The following CHML variants were observed in gnomAD, a reference collection of about 807,000 sequenced individuals.
The protein encoded by CHML is CHM like Rab escort protein.
Under a neutral mutation model 30.4 loss-of-function variants are expected in CHML, and 20 were observed. That is an observed-to-expected ratio of 0.66 (90% confidence interval 0.46 to 0.95). The LOEUF is 0.95. CHML is among the 40% of genes least tolerant of loss of function. The probability of loss-of-function intolerance (pLI) is 0.00; values close to 1 mark genes in which losing one functional copy is unlikely to be tolerated. For missense variants in CHML, 795 were observed against 768.5 expected (o/e 1.03, Z -0.41); for synonymous variants, 281 against 275.0 (o/e 1.02, Z -0.22).
rs773799380 is a variant in CHML at position 241,634,752 on chromosome 1, C to T, written c.1015G>A (p.Val339Ile). 7 of 1,613,810 alleles carry T rather than the reference C, an allele frequency of 4.3e-6. No individual in the cohort carries two copies. Among genetic ancestry groups the T allele is most frequent in the African/African-American group, 4.0e-5 (3 of 74,874 alleles). The change falls in exon 2 of 2, where the codon GTA (valine) becomes ATA (isoleucine). Residue 339 changes from valine (V) to isoleucine (I), a missense_variant. By Grantham distance (29) the Val-to-Ile change is conservative. Coordinates refer to ENST00000366553, the MANE Select transcript of CHML (RefSeq NM_001381853.1). ...GATGTCATTGCAATTGAGTGCAGTA[C>T]AAAATGTTGAAGGTTGGGAGTTAGT... ...KKLTPNLQHF[V>I]LHSIAMTSES...
Position 241,635,709 on chromosome 1 carries a change from C to A in CHML, c.58G>T (p.Glu20Ter). Residue 20 changes from glutamate (E) to a stop codon, truncating the protein, a stop_gained, in exon 2 of 2, where the codon GAA becomes TAA. Transcript: ENST00000366553. LOFTEE classifies it high-confidence loss of function. ...GAACATGCAGCTGCAAGGATGGATT[C>A]GGGCAAACCTGTCCCTATTATAACC... ...DVVIIGTGLP[E>*]SILAAACSRS... The A allele has an allele frequency of 6.2e-7, 1 of 1,613,976 alleles. No homozygotes were observed. Among genetic ancestry groups the A allele is most frequent in the East Asian group, 2.2e-5 (1 of 44,880 alleles).
Position 241,635,706 on chromosome 1 carries a change from A to G in CHML, c.61T>C (p.Ser21Pro). The G allele has an allele frequency of 6.2e-7, 1 of 1,614,028 alleles. No homozygotes were observed. Among genetic ancestry groups the G allele is most frequent in the Non-Finnish European group, 8.5e-7 (1 of 1,179,904 alleles). The change falls in exon 2 of 2, where the codon TCC becomes CCC. Residue 21 changes from serine (S) to proline (P), a missense_variant. By Grantham distance (74) the Ser-to-Pro change is moderately conservative. Coordinates refer to ENST00000366553, the MANE Select transcript of CHML (RefSeq NM_001381853.1). ...CTTGAACATGCAGCTGCAAGGATGG[A>G]TTCGGGCAAACCTGTCCCTATTATA... is the stretch of plus-strand genomic sequence containing the variant. Reference protein sequence around the residue: ...VVIIGTGLPESILAAACSRSG... With the variant: ...VVIIGTGLPEPILAAACSRSG...
In CHML at chr1:241,633,481, A is replaced by T. The variant is rs1664727064; in HGVS notation, c.*315T>A. The T allele has an allele frequency of 4.0e-6, 1 of 248,650 alleles. No homozygotes were observed. The highest frequency in any genetic ancestry group is 2.3e-5 in the African/African-American group (1 of 43,688). 15.4% of individuals were successfully genotyped at this position (248,650 alleles called of 1,614,324 possible). A position where few individuals can be genotyped will look rare whatever the true frequency, so the allele number is the denominator to read the frequency against. ...GATAAAATCTGAAGATCATTAGCAA[A>T]TACATTACCTTTAAGCTGAGTTGCT... On this transcript the variant is annotated 3_prime_UTR_variant, in exon 2 of 2. Coordinates refer to ENST00000366553, the MANE Select transcript of CHML (RefSeq NM_001381853.1).
At position 241,634,582 on chromosome 1, in the gene CHML, A is replaced by C; in HGVS notation, c.1185T>G (p.Val395=). 6.2e-7 allele frequency: 1 copy of C among 1,613,828 alleles called. No homozygotes were observed. Among genetic ancestry groups the C allele is most frequent in the Non-Finnish European group, 8.5e-7 (1 of 1,179,874 alleles). ...GACGAAGACAATAGATTCCACCAAA[A>C]ACTGCACACATCCTACAGAAACCCT... ...IPQGFCRMCA[V]FGGIYCLRHK... Residue 395 remains valine (V), a synonymous_variant, in exon 2 of 2, where the codon GTT becomes GTG. Transcript: ENST00000366553.
chr1:241,634,839 G>A lies in CHML; in HGVS notation c.928C>T (p.His310Tyr), dbSNP rs748539866. 6 of 1,612,528 alleles carry A rather than the reference G, an allele frequency of 3.7e-6. No individual in the cohort carries two copies. The highest frequency in any genetic ancestry group is 5.1e-6 in the Non-Finnish European group (6 of 1,179,336). The change falls in exon 2 of 2, where the codon CAT becomes TAT. Residue 310 changes from histidine to tyrosine, a missense_variant. Coordinates refer to ENST00000366553, the MANE Select transcript of CHML (RefSeq NM_001381853.1). ...FLTFCLEYEQ[H>Y]PDEYQAFRQC... ...CTGAAAGCTTGGTATTCATCAGGAT[G>A]TTGTTCATACTCTAAACAAAATGTG...
rs1573971255 is a variant in CHML at position 241,639,994 on chromosome 1, G to A, written c.-420C>T. The A allele has an allele frequency of 1.2e-6, 2 of 1,612,950 alleles. No homozygotes were observed. The highest frequency in any genetic ancestry group is 1.7e-6 in the Non-Finnish European group (2 of 1,179,560). ...TGACCCCGAAGAGGGACACCAGCAG[G>A]TCGCTGAGGCTGATGTTGACCAGGA... On this transcript the variant is annotated 5_prime_UTR_variant, in exon 1 of 2. Coordinates refer to ENST00000366553, the MANE Select transcript of CHML (RefSeq NM_001381853.1).
At position 241,630,312 on chromosome 1, in the gene CHML, T is replaced by C. The variant is rs1227846587; in HGVS notation, c.*3484A>G. On this transcript the variant is annotated 3_prime_UTR_variant, in exon 2 of 2. Coordinates refer to ENST00000366553, the MANE Select transcript of CHML (RefSeq NM_001381853.1). ...GGGAGTTTGTTCATGTTTAAAAATA[T>C]AGCTCTTTAAACTTGCTTCTATTTA... 2 of 152,092 alleles carry C rather than the reference T, an allele frequency of 1.3e-5. No homozygotes were observed. Among genetic ancestry groups the C allele is most frequent in the African/African-American group, 4.8e-5 (2 of 41,448 alleles). 9.4% of individuals were successfully genotyped at this position (152,092 alleles called of 1,614,324 possible).
chr1:241,634,434 T>C lies in CHML; in HGVS notation c.1333A>G (p.Thr445Ala), dbSNP rs1664788502. The change falls in exon 2 of 2, where the codon ACA (threonine) becomes GCA (alanine). Residue 445 changes from threonine to alanine, a missense_variant. Thr to Ala is a moderately conservative substitution (Grantham distance 58, BLOSUM62 0). Transcript: ENST00000366553. ...TGCTTATACTGCACATTTGAGCATGTTTCCTCAGAAAGGTAACTGTCTTCC... is the reference window on the plus strand; with the variant it reads ...TGCTTATACTGCACATTTGAGCATGCTTCCTCAGAAAGGTAACTGTCTTCC... Reference protein sequence around the residue: ...IVEDSYLSEETCSNVQYKQIS... With the variant: ...IVEDSYLSEEACSNVQYKQIS... 2 of 1,613,760 alleles carry C rather than the reference T, an allele frequency of 1.2e-6. No homozygotes were observed. Among genetic ancestry groups the C allele is most frequent in the East Asian group, 4.5e-5 (2 of 44,888 alleles).
chr1:241,632,481 A>G lies in CHML; in HGVS notation c.*1315T>C, dbSNP rs1664678053. 6.6e-6 allele frequency: 1 copy of G among 152,170 alleles called. No individual in the cohort carries two copies. Among genetic ancestry groups the G allele is most frequent in the African/African-American group, 2.4e-5 (1 of 41,442 alleles). 9.4% of individuals were successfully genotyped at this position (152,170 alleles called of 1,614,324 possible). A position where few individuals can be genotyped will look rare whatever the true frequency, so the allele number is the denominator to read the frequency against. On this transcript the variant is annotated 3_prime_UTR_variant, in exon 2 of 2. Transcript: ENST00000366553. ...CAGAGCAAAAACTGTCACAGGGATCATCATACTCTGACTGAAGAATGGAAA... is the reference window on the plus strand; with the variant it reads ...CAGAGCAAAAACTGTCACAGGGATCGTCATACTCTGACTGAAGAATGGAAA...
In CHML at chr1:241,636,001, T is replaced by G. The variant is rs1018289892; in HGVS notation, c.-235A>C. ...GAGAATACTAAAATGGATGTGTGGT[T>G]TCATTTCTGCATTTCATCTTAGCAG... On this transcript the variant is annotated 5_prime_UTR_variant, in exon 2 of 2. Transcript: ENST00000366553. The G allele has an allele frequency of 4.1e-6, 2 of 490,872 alleles. No homozygotes were observed. Among genetic ancestry groups the G allele is most frequent in the Non-Finnish European group, 7.2e-6 (2 of 278,212 alleles). 30.4% of individuals were successfully genotyped at this position (490,872 alleles called of 1,614,324 possible). A position where few individuals can be genotyped will look rare whatever the true frequency, so the allele number is the denominator to read the frequency against.
rs769080965 is a variant in CHML at position 241,634,650 on chromosome 1, T to A, written c.1117A>T (p.Thr373Ser). ...FLQCLGRFGNTPFLFPLYGQG... is the reference protein window; with the variant it reads ...FLQCLGRFGNSPFLFPLYGQG... ...CCATACAAGGGAAATAAAAAGGGGG[T>A]GTTGCCAAACCGTCCGAGACACTGA... The change falls in exon 2 of 2, where the codon ACC becomes TCC. Residue 373 changes from threonine to serine, a missense_variant. Physicochemically the swap from Thr to Ser is moderately conservative, Grantham distance 58. Transcript: ENST00000366553. 8 of 1,613,704 alleles carry A rather than the reference T, an allele frequency of 5.0e-6. No individual in the cohort carries two copies. The South Asian group carries it at 8.8e-5, about 18-fold the overall frequency.
chr1:241,635,187 T>C lies in CHML; in HGVS notation c.580A>G (p.Lys194Glu). ...DKTCMHTVSD[K>E]DGDKDESKST... Reference sequence around the variant, plus strand: ...TTGCTTTCATCTTTATCTCCATCTTTATCTGAAACTGTGTGCATACAAGTT... The same window carrying C: ...TTGCTTTCATCTTTATCTCCATCTTCATCTGAAACTGTGTGCATACAAGTT... The change falls in exon 2 of 2, where the codon AAA becomes GAA. Residue 194 changes from lysine to glutamate, a missense_variant. Transcript: ENST00000366553. 8 of 1,613,188 alleles carry C rather than the reference T, an allele frequency of 5.0e-6. No homozygotes were observed. Among genetic ancestry groups the C allele is most frequent in the Non-Finnish European group, 6.8e-6 (8 of 1,179,928 alleles).
chr1:241,631,624 G>A lies in CHML; in HGVS notation c.*2172C>T, dbSNP rs575466991. The stretch of plus-strand genomic sequence containing the variant: ...AGAGGAGCAAAAATTAGTGTATTCC[G>A]AACAAATTTTGGCCTGATAATATTT... On this transcript the variant is annotated 3_prime_UTR_variant, in exon 2 of 2. Coordinates refer to ENST00000366553, the MANE Select transcript of CHML (RefSeq NM_001381853.1). 3.3e-5 allele frequency: 5 copies of A among 152,126 alleles called. No individual in the cohort carries two copies. Among genetic ancestry groups the A allele is most frequent in the Admixed American group, 6.5e-5 (1 of 15,278 alleles). The allele number at this position is 152,126 out of a possible 1,614,324, so 9.4% of individuals were successfully genotyped here. A position where few individuals can be genotyped will look rare whatever the true frequency, so the allele number is the denominator to read the frequency against.
chr1:241,634,821 C>G lies in CHML; in HGVS notation c.946G>C (p.Ala316Pro), dbSNP rs1266632076. The G allele has an allele frequency of 1.2e-6, 2 of 1,613,308 alleles. No homozygotes were observed. The highest frequency in any genetic ancestry group is 3.3e-5 in the Admixed American group (2 of 59,910). Residue 316 changes from alanine to proline, a missense_variant, in exon 2 of 2, where the codon GCT (alanine) becomes CCT (proline). By Grantham distance (27) the Ala-to-Pro change is conservative. Coordinates refer to ENST00000366553, the MANE Select transcript of CHML (RefSeq NM_001381853.1). The part of the protein sequence containing the change: ...EYEQHPDEYQ[A>P]FRQCSFSEYL... ...TCTGAAAATGAACACTGCCTGAAAG[C>G]TTGGTATTCATCAGGATGTTGTTCA...
chr1:241,635,010 C>A lies in CHML; in HGVS notation c.757G>T (p.Val253Phe). 1 of 1,613,494 alleles carries A rather than the reference C, an allele frequency of 6.2e-7. No homozygotes were observed. Residue 253 changes from valine (V) to phenylalanine (F), a missense_variant, in exon 2 of 2, where the codon GTT (valine) becomes TTT (phenylalanine). Physicochemically the swap from Val to Phe is conservative, Grantham distance 50. Coordinates refer to ENST00000366553, the MANE Select transcript of CHML (RefSeq NM_001381853.1). ...TTTTTAAATTCTACATAACGACTAA[C>A]ATCTGATTTGATTAAAAGATCAATT... ...LLIDLLIKSDVSRYVEFKNVT... is the reference protein window; with the variant it reads ...LLIDLLIKSDFSRYVEFKNVT...
At position 241,635,418 on chromosome 1, in the gene CHML, C is replaced by T. The variant is rs1287506788; in HGVS notation, c.349G>A (p.Gly117Ser). ...AAAGAAGGATTTTTCTGCAGAGCAC[C>T]AATCTCTTCAACGTTGTCCTCCATA... ...QDMEDNVEEI[G>S]ALQKNPSLGV... Residue 117 changes from glycine (G) to serine (S), a missense_variant, in exon 2 of 2, where the codon GGT becomes AGT. Transcript: ENST00000366553. 4.3e-6 allele frequency: 7 copies of T among 1,613,846 alleles called. No homozygotes were observed. The highest frequency in any genetic ancestry group is 5.9e-6 in the Non-Finnish European group (7 of 1,179,952).
In CHML at chr1:241,639,913, GCAGCCCACGGTGTCCCACACC is replaced by G; in HGVS notation, c.-360_-340del. 6.3e-7 allele frequency: 1 copy of G among 1,597,442 alleles called. No homozygotes were observed. The highest frequency in any genetic ancestry group is 8.5e-7 in the Non-Finnish European group (1 of 1,172,532). ...GGCTGCCGCTAAACCCGTCCCACAC[GCAGCCCACGGTGTCCCACACC>G]CAGCCGTTCCTCAGGCAGGACACGA... On this transcript the variant is annotated 5_prime_UTR_variant, in exon 1 of 2. Coordinates refer to ENST00000366553, the MANE Select transcript of CHML (RefSeq NM_001381853.1).
chr1:241,635,422 C>T lies in CHML; in HGVS notation c.345G>A (p.Glu115=), dbSNP rs766716481. 3.7e-6 allele frequency: 6 copies of T among 1,613,908 alleles called. No homozygotes were observed. The Admixed American group carries it at 1.0e-4, about 27-fold the overall frequency. The change falls in exon 2 of 2, where the codon GAG becomes GAA. Residue 115 remains glutamate, a synonymous_variant. Transcript: ENST00000366553. ...ASQDMEDNVE[E]IGALQKNPSL... The stretch of plus-strand genomic sequence containing the variant: ...AAGGATTTTTCTGCAGAGCACCAAT[C>T]TCTTCAACGTTGTCCTCCATATCCT...
At position 241,640,215 on chromosome 1, in the gene CHML, C is replaced by A. The variant is rs1314498614; in HGVS notation, c.-641G>T. ...TCAGCGCCCGCGGCCCCGCCGCCGT[C>A]CCAGTAGCCGTGGCCGCCGCTGCGG... On this transcript the variant is annotated 5_prime_UTR_variant, in exon 1 of 2. Transcript: ENST00000366553. The A allele has an allele frequency of 7.4e-7, 1 of 1,355,270 alleles. No homozygotes were observed. Among genetic ancestry groups the A allele is most frequent in the African/African-American group, 1.5e-5 (1 of 64,974 alleles). 84.0% of individuals were successfully genotyped at this position (1,355,270 alleles called of 1,614,324 possible).
Sources: allele counts gnomAD v4.1 joint callset, GRCh38; gene constraint gnomAD v4.1.1; transcripts MANE v1.5; gene names NCBI Gene and HGNC (gene_info 2026-07-23, HGNC 2026-07-21).